The following AHDC1 variants were observed in gnomAD, a reference collection of about 807,000 sequenced individuals.
The protein encoded by AHDC1 is AT-hook DNA binding motif containing 1, also known as transcription factor Gibbin.
Under a neutral mutation model 87.9 loss-of-function variants are expected in AHDC1, and 7 were observed. That is an observed-to-expected ratio of 0.08 (90% CI 0.05 to 0.15). AHDC1 has a LOEUF of 0.15. Ranked by LOEUF, AHDC1 falls within the 10% of genes least tolerant of loss-of-function variation. The pLI is 1.00. For missense variants in AHDC1, 1,841 were observed against 2,253.2 expected (o/e 0.82, Z 3.70); for synonymous variants, 1,051 against 1,006.8 (o/e 1.04, Z -0.83).
At chr1:27,564,752 C>T (rs1164675169) in intron 3 of AHDC1, among the ~76,000 whole-genome samples, 1 of 152,164 alleles carries the variant, frequency 6.6e-6, no homozygotes, top group Non-Finnish European at 1.5e-5. Flanking sequence ...CATGCCCTAC[C>T]TTTACCCTAA....
At chr1:27,554,869 T>A (rs2019750252) in intron 5 of AHDC1, among the ~76,000 whole-genome samples, 1 of 152,232 alleles carries the variant, frequency 6.6e-6, no homozygotes, top group African/African-American at 2.4e-5. Flanking sequence ...ACAAAGCACC[T>A]ACACATCTGT....
rs953226856 is a variant in AHDC1, at chr1:27,565,214, G to A, written c.-628-6331C>T. Among the ~76,000 whole-genome samples the A allele has an allele frequency of 2.6e-5, 4 of 151,364 alleles. No homozygotes were observed. Among genetic ancestry groups the A allele is most frequent in the Non-Finnish European group, 5.9e-5 (4 of 67,840 alleles). On this transcript the variant is annotated intron_variant, in intron 3 of 8. Coordinates refer to ENST00000673934, the MANE Select transcript of AHDC1 (RefSeq NM_001371928.1). The surrounding 1 kb of genome is among the most constrained non-coding windows in gnomAD (Gnocchi z 4.6). ...GCCGAGGGGGCCCAGCATGCCTTGC[G>A]TGCAACCTGCCTCCCCCAGGCACCC...
intron 3 of AHDC1, among the ~76,000 whole-genome samples, chr1:27,601,786 A>C (rs1426032026): frequency 6.6e-6 from 1 of 152,066 alleles, no homozygotes; most frequent in East Asian, 1.9e-4. Context: ...ACAGAACAGG[A>C]ACAAGCCAAC....
chr1:27,558,784 CGG>C lies in AHDC1; in HGVS notation c.-531_-530del. 5.0e-6 allele frequency: 2 copies of C among 398,688 alleles called. No homozygotes were observed. The highest frequency in any genetic ancestry group is 8.8e-6 in the Non-Finnish European group (2 of 226,090). 24.7% of individuals were successfully genotyped at this position (398,688 alleles called of 1,614,324 possible). ...AGCATCTCCAGGGTGGTCTCTGCAA[CGG>C]CCTGAGCGTCGCCCCGCACTCGGGG... On this transcript the variant is annotated 5_prime_UTR_variant, in exon 4 of 9. An upstream open reading frame in the 5' UTR loses its in-frame stop. Coordinates refer to ENST00000673934, the MANE Select transcript of AHDC1 (RefSeq NM_001371928.1). This position sits in a 1 kb window ranked among gnomAD's most constrained non-coding sequence, Gnocchi z 5.6.
chr1:27,569,327 C>T (rs2020468261), intron 3 of AHDC1, among the ~76,000 whole-genome samples: 1 of 152,174 alleles, frequency 6.6e-6, no homozygotes. Context: ...CATCACCCTA[C>T]ATGGTGAGTA....
At chr1:27,580,991 T>C (rs2088892863) in intron 3 of AHDC1, among the ~76,000 whole-genome samples, 1 of 152,124 alleles carries the variant, frequency 6.6e-6, no homozygotes, top group Non-Finnish European at 1.5e-5. Flanking sequence ...CATGCCACCA[T>C]GCCCAGCTAA....
At chr1:27,576,313 C>T (rs539669963) in intron 3 of AHDC1, among the ~76,000 whole-genome samples, 51 of 152,266 alleles carry the variant, frequency 3.3e-4, no homozygotes, top group African/African-American at 1.2e-3. Flanking sequence ...TGGGGGCCTC[C>T]GTTTTCCTTA....
intron 3 of AHDC1, among the ~76,000 whole-genome samples, chr1:27,579,571 T>C (rs1007866276): frequency 6.6e-6 from 1 of 151,792 alleles, no homozygotes; most frequent in Non-Finnish European, 1.5e-5. Context: ...CAGCCTGACA[T>C]GTCAACATTG....
chr1:27,587,331 C>T (rs1338427475), intron 3 of AHDC1, among the ~76,000 whole-genome samples: 1 of 152,198 alleles, frequency 6.6e-6, no homozygotes, highest in Non-Finnish European at 1.5e-5. Flanking sequence ...GCTGCCCTCT[C>T]CCAGCCTAGC....
rs752612737 is a variant in AHDC1 at position 27,547,333 on chromosome 1, C to T, written c.4783G>A (p.Glu1595Lys). The change falls in exon 8 of 9, where the codon GAG becomes AAG. Residue 1595 changes from glutamate to lysine, a missense_variant. By Grantham distance (56) the Glu-to-Lys change is moderately conservative. Transcript: ENST00000673934. This position sits in a 1 kb window ranked among gnomAD's most constrained non-coding sequence, Gnocchi z 4.9. ...AGGGATGTGACGGTGAATGTGTCCTCGGGGTGAGGTTCCGCCATGGGCCCC... is the reference window on the plus strand; with the variant it reads ...AGGGATGTGACGGTGAATGTGTCCTTGGGGTGAGGTTCCGCCATGGGCCCC... ...FLGPMAEPHP[E>K]DTFTVTSL 3.2e-6 allele frequency: 5 copies of T among 1,551,934 alleles called. No individual in the cohort carries two copies. Among genetic ancestry groups the T allele is most frequent in the East Asian group, 2.2e-5 (1 of 44,466 alleles).
intron 8 of AHDC1, among the ~76,000 whole-genome samples, chr1:27,539,866 T>G (rs547637785): frequency 1.3e-5 from 2 of 152,288 alleles, no homozygotes; most frequent in Admixed American, 6.5e-5. Context: ...TAGGACCAAA[T>G]GGGGTTCCCC....
At chr1:27,577,547 G>A (rs1055075709) in intron 3 of AHDC1, among the ~76,000 whole-genome samples, 3 of 152,194 alleles carry the variant, frequency 2.0e-5, no homozygotes, top group Admixed American at 6.5e-5. Flanking sequence ...GCATACAGGG[G>A]GAACAGCCTA....
intron 3 of AHDC1, among the ~76,000 whole-genome samples, chr1:27,576,715 T>C (rs1287103511): frequency 6.6e-6 from 1 of 152,154 alleles, no homozygotes; most frequent in Non-Finnish European, 1.5e-5. Flanking sequence ...CCCCTTCTGC[T>C]CTGGTCCCAG....
rs1285911989 is a variant in AHDC1, at chr1:27,549,336, G to A, written c.2780C>T (p.Ala927Val). Residue 927 changes from alanine to valine, a missense_variant, in exon 8 of 9, where the codon GCA (alanine) becomes GTA (valine). By Grantham distance (64) the Ala-to-Val change is moderately conservative (BLOSUM62 0). Coordinates refer to ENST00000673934, the MANE Select transcript of AHDC1 (RefSeq NM_001371928.1). Reference protein sequence around the residue: ...ARQTFPPGRAASYGLTPAASD... With the variant: ...ARQTFPPGRAVSYGLTPAASD... ...AGCGGCTGGAGTTAGCCCATAGCTT[G>A]CTGCTCGTCCTGGTGGGAAGGTCTG... is the stretch of plus-strand genomic sequence containing the variant. The A allele has an allele frequency of 6.2e-7, 1 of 1,611,264 alleles. No homozygotes were observed. Among genetic ancestry groups the A allele is most frequent in the African/African-American group, 1.3e-5 (1 of 74,862 alleles).
At chr1:27,578,412 C>T (rs760393603) in intron 3 of AHDC1, among the ~76,000 whole-genome samples, 2 of 151,770 alleles carry the variant, frequency 1.3e-5, no homozygotes, top group Non-Finnish European at 2.9e-5. Flanking sequence ...AACACGGTGA[C>T]ACCCCATCTC....
chr1:27,554,121 G>T, intron 5 of AHDC1, among the ~76,000 whole-genome samples: 1 of 152,232 alleles, frequency 6.6e-6, no homozygotes, highest in East Asian at 1.9e-4. Context: ...CACAAATGAG[G>T]TACGCAAAGC....
At position 27,550,183 on chromosome 1, in the gene AHDC1, A is replaced by G. The variant is rs2019457808; in HGVS notation, c.1933T>C (p.Ser645Pro). Reference sequence around the variant, plus strand: ...TGGGTGTCGGGGGCCTGGTGCACCGACTCCGGCTCACTGGGTGTCCAGCAG... The same window carrying G: ...TGGGTGTCGGGGGCCTGGTGCACCGGCTCCGGCTCACTGGGTGTCCAGCAG... ...PRCWTPSEPESVHQAPDTQSI... is the reference protein window; with the variant it reads ...PRCWTPSEPEPVHQAPDTQSI... Residue 645 changes from serine to proline, a missense_variant, in exon 8 of 9, where the codon TCG (serine) becomes CCG (proline). Ser to Pro is a moderately conservative substitution (Grantham distance 74, BLOSUM62 -1). This residue lies in a region of AHDC1 where 7 missense variants were observed against 24.0 expected (regional missense o/e 0.29). Coordinates refer to ENST00000673934, the MANE Select transcript of AHDC1 (RefSeq NM_001371928.1). 1 of 1,611,880 alleles carries G rather than the reference A, an allele frequency of 6.2e-7. No homozygotes were observed. Among genetic ancestry groups the G allele is most frequent in the Non-Finnish European group, 8.5e-7 (1 of 1,179,714 alleles).
intron 3 of AHDC1, among the ~76,000 whole-genome samples, chr1:27,576,245 T>G (rs2088744602): frequency 6.6e-6 from 1 of 152,184 alleles, no homozygotes; most frequent in South Asian, 2.1e-4. Context: ...ATAGGGTAGG[T>G]GCCATATAAA....
At chr1:27,564,378 G>A (rs2020230367) in intron 3 of AHDC1, among the ~76,000 whole-genome samples, 1 of 152,240 alleles carries the variant, frequency 6.6e-6, no homozygotes, top group Admixed American at 6.5e-5. Context: ...GGCCACAGAG[G>A]GCTCCAGCCC....
Sources: allele counts gnomAD v4.1 joint callset (sites outside exome capture counted in the v4.1 genomes callset), GRCh38; gene constraint gnomAD v4.1.1; regional missense constraint gnomAD v4.1.1; non-coding constraint Gnocchi (gnomAD v3.1); transcripts MANE v1.5; gene names NCBI Gene and HGNC (gene_info 2026-07-23, HGNC 2026-07-21).